The following SYNE2 variants were observed in gnomAD, a reference collection of about 807,000 sequenced individuals.
The protein encoded by SYNE2 is nesprin-2.
SYNE2 carries 431 observed loss-of-function variants against 856.3 expected under a neutral mutation model. That is an observed-to-expected ratio of 0.50 (90% CI 0.47 to 0.55). The LOEUF (loss-of-function observed/expected upper bound fraction) is 0.55. Among genes scored for constraint, SYNE2 ranks in the 20% least tolerant of loss-of-function variants. SYNE2 has a pLI of 0.00. For missense variants in SYNE2, 8,129 were observed against 8,023.2 expected (o/e 1.01, Z -0.50); for synonymous variants, 2,923 against 2,872.3 (o/e 1.02, Z -0.56).
chr14:64,187,732 CTT>C (rs1353956908), intron 97 of SYNE2, among the ~76,000 whole-genome samples: 1 of 152,140 alleles, frequency 6.6e-6, no homozygotes, highest in African/African-American at 2.4e-5. Context: ...GGTGTCAAAA[CTT>C]TACCAAAAGA....
At chr14:64,174,707 A>T (rs1308883801) in intron 94 of SYNE2, among the ~76,000 whole-genome samples, 1 of 152,182 alleles carries the variant, frequency 6.6e-6, no homozygotes, top group Non-Finnish European at 1.5e-5. Flanking sequence ...TGAGAATCTT[A>T]TCTCACCAAT....
intron 1 of SYNE2, among the ~76,000 whole-genome samples, chr14:63,832,578 T>C (rs1000135635): frequency 4.6e-5 from 7 of 152,112 alleles, no homozygotes; most frequent in African/African-American, 1.7e-4. Context: ...AACACAGTTA[T>C]GACAGAAGTG....
intron 1 of SYNE2, among the ~76,000 whole-genome samples, chr14:63,854,570 G>T (rs186385835): frequency 3.3e-5 from 5 of 152,274 alleles, no homozygotes; most frequent in African/African-American, 9.6e-5. Flanking sequence ...AAGTTTTTTC[G>T]TGGTGAAGAA....
Position 64,137,954 on chromosome 14 carries a change from G to T in SYNE2, c.14814G>T (p.Arg4938Ser). Residue 4938 changes from arginine to serine, a missense_variant, in exon 79 of 116, where the codon AGG becomes AGT. Around this residue, in one of 3 missense-constraint regions of SYNE2, gnomAD observed 5,410 missense variants for 5,284.8 expected, o/e 1.02. Transcript: ENST00000555002. The stretch of plus-strand genomic sequence containing the variant: ...AGAAAATTGACCATGAGCTCCACAG[G>T]CTGCAAGCTCTTCTCAAGCATCTGC... ...LNKKIDHELH[R>S]LQALLKHLLS... 2 of 1,614,038 alleles carry T rather than the reference G, an allele frequency of 1.2e-6. No individual in the cohort carries two copies.
chr14:64,189,820 T>G (rs1190304685), intron 98 of SYNE2, among the ~76,000 whole-genome samples: 1 of 152,258 alleles, frequency 6.6e-6, no homozygotes, highest in Admixed American at 6.5e-5. Context: ...TACAGACATG[T>G]GCCAGCATAC....
intron 85 of SYNE2, among the ~76,000 whole-genome samples, chr14:64,156,467 T>TG (rs1012527537): frequency 1.4e-4 from 21 of 152,098 alleles, no homozygotes; most frequent in African/African-American, 4.3e-4. Flanking sequence ...TTCCTTTTTT[T>TG]TTTTTGTGGA....
intron 10 of SYNE2, among the ~76,000 whole-genome samples, chr14:63,967,100 G>A (rs1276339067): frequency 1.3e-5 from 2 of 152,042 alleles, no homozygotes; most frequent in Admixed American, 6.6e-5. Context: ...TCTTGACCTC[G>A]TGATCCACCC....
chr14:63,880,885 C>T (rs1371948129), intron 1 of SYNE2, among the ~76,000 whole-genome samples: 4 of 149,680 alleles, frequency 2.7e-5, no homozygotes, highest in Non-Finnish European at 5.9e-5. Flanking sequence ...CTTGCTCTGT[C>T]GCCCAGGCTG....
At chr14:63,822,480 G>A (rs988532013) in intron 1 of SYNE2, among the ~76,000 whole-genome samples, 7 of 152,076 alleles carry the variant, frequency 4.6e-5, no homozygotes, top group Non-Finnish European at 1.0e-4. Flanking sequence ...ACAATCAGTG[G>A]CAATCATTTA....
At chr14:64,029,469 T>A (rs1209533500) in intron 43 of SYNE2, among the ~76,000 whole-genome samples, 1 of 152,230 alleles carries the variant, frequency 6.6e-6, no homozygotes. Flanking sequence ...TCTTAAGACA[T>A]GAATCTGAGG....
chr14:64,181,126 C>T (rs2098456128), intron 96 of SYNE2, among the ~76,000 whole-genome samples: 1 of 151,530 alleles, frequency 6.6e-6, no homozygotes, highest in South Asian at 2.1e-4. Flanking sequence ...TTTTCCTACA[C>T]GGGTCAATAC....
chr14:64,182,501 A>G (rs1351340118), intron 96 of SYNE2, among the ~76,000 whole-genome samples: 1 of 152,046 alleles, frequency 6.6e-6, no homozygotes, highest in Non-Finnish European at 1.5e-5. Flanking sequence ...CAAGTGAACA[A>G]AGGTCTCTGG....
chr14:63,963,059 C>T (rs550321148), intron 9 of SYNE2, among the ~76,000 whole-genome samples: 41 of 152,148 alleles, frequency 2.7e-4, no homozygotes, highest in Non-Finnish European at 5.0e-4. Flanking sequence ...CATTTTCAGA[C>T]ATGTTTACAT....
intron 1 of SYNE2, among the ~76,000 whole-genome samples, chr14:63,892,409 A>G (rs2095154245): frequency 6.6e-6 from 1 of 151,490 alleles, no homozygotes; most frequent in South Asian, 2.1e-4. Context: ...TTTCCAGAGT[A>G]GTTTCATGTT....
intron 1 of SYNE2, among the ~76,000 whole-genome samples, chr14:63,764,883 G>A (rs1220264132): frequency 6.6e-6 from 1 of 152,164 alleles, no homozygotes; most frequent in Non-Finnish European, 1.5e-5. Context: ...GAGAGGTCGA[G>A]GTTACAGTGA....
At chr14:64,058,643 TA>T (rs1410734599) in intron 49 of SYNE2, among the ~76,000 whole-genome samples, 1 of 152,048 alleles carries the variant, frequency 6.6e-6, no homozygotes, top group Non-Finnish European at 1.5e-5. Context: ...CCACACTGGC[TA>T]ATATTTTGTA....
At chr14:64,202,692 AC>A (rs2098579711) in intron 99 of SYNE2, 108 bp from the exon 100 acceptor site, 9 of 1,402,474 alleles carry the variant, frequency 6.4e-6, no homozygotes. Context: ...ATTCTTTTTT[AC>A]CCTGCAATGC....
At position 63,823,090 on chromosome 14, in the gene SYNE2, C is replaced by T. The variant is rs567856137; in HGVS notation, c.-304-29411C>T. Among the ~76,000 whole-genome samples the T allele has an allele frequency of 2.6e-4, 40 of 151,984 alleles. 2 individuals are homozygous for T. The highest frequency in any genetic ancestry group is 2.5e-3 in the South Asian group (12 of 4,818). Reference sequence around the variant, plus strand: ...CTGCACTCCAGCCAGGGAGGCAGAGCGAGATCCTGTCTCTGCAAAAAATAA... The same window carrying T: ...CTGCACTCCAGCCAGGGAGGCAGAGTGAGATCCTGTCTCTGCAAAAAATAA... On this transcript the variant is annotated intron_variant, in intron 1 of 23. Transcript: ENST00000674003.
intron 113 of SYNE2, 148 bp downstream of exon 113, chr14:64,223,528 G>C (rs1048806211): frequency 1.3e-6 from 1 of 780,276 alleles, no homozygotes; most frequent in Non-Finnish European, 2.1e-6. Flanking sequence ...TTTTCTAGCT[G>C]TGTGGACTTA....
Sources: allele counts gnomAD v4.1 joint callset (sites outside exome capture counted in the v4.1 genomes callset), GRCh38; gene constraint gnomAD v4.1.1; regional missense constraint gnomAD v4.1.1; transcripts MANE v1.5; gene names NCBI Gene and HGNC (gene_info 2026-07-23, HGNC 2026-07-21).